LARGE1: variants seen among roughly 807,000 people sequenced by gnomAD.
LARGE1 encodes xylosyl- and glucuronyltransferase LARGE1.
Under a neutral mutation model 87.6 loss-of-function variants are expected in LARGE1, and 43 were observed. That is an observed-to-expected ratio of 0.49 (90% CI 0.38 to 0.63). LARGE1 has a LOEUF of 0.63. Among genes scored for constraint, LARGE1 ranks in the 30% least tolerant of loss-of-function variants. LARGE1 has a pLI of 0.00. For synonymous variants in LARGE1, 434 were observed against 394.6 expected (o/e 1.10, Z -1.18); for missense variants, 802 against 1,000.2 (o/e 0.80, Z 2.67).
chr22:33,818,440 G>A (rs947386022), intron 1 of LARGE1, among the ~76,000 whole-genome samples: 1 of 152,120 alleles, frequency 6.6e-6, no homozygotes, highest in Non-Finnish European at 1.5e-5. Context: ...AAGGAAGGAA[G>A]AATAAGAGGG....
At chr22:33,465,089 T>G (rs147350375) in intron 6 of LARGE1, among the ~76,000 whole-genome samples, 1 of 152,298 alleles carries the variant, frequency 6.6e-6, no homozygotes, top group East Asian at 1.9e-4. Flanking sequence ...AAAGAATAGA[T>G]CAATCTAATG....
rs541326573 is a variant in LARGE1 at position 33,823,916 on chromosome 22, T to TGA, written c.-82-62359_-82-62358insTC. Among the ~76,000 whole-genome samples the TGA allele has an allele frequency of 2.3e-4, 35 of 152,334 alleles. 1 individual carries two copies. In the East Asian group the frequency reaches 6.6e-3, roughly 29 times the overall value. On this transcript the variant is annotated intron_variant, in intron 1 of 14. Transcript: ENST00000397394. ...CACCCCACAGCCCAGTGATGGTTCA[T>TGA]TCCTCATTTGCCCTGTTAAGTGTCT...
intron 10 of LARGE1, among the ~76,000 whole-genome samples, chr22:33,327,415 C>T (rs1937336168): frequency 1.3e-5 from 2 of 152,196 alleles, no homozygotes; most frequent in Non-Finnish European, 2.9e-5. Context: ...ATACTCGTAA[C>T]AATAACTGCC....
At chr22:33,818,184 C>T (rs1223924609) in intron 1 of LARGE1, among the ~76,000 whole-genome samples, 1 of 152,204 alleles carries the variant, frequency 6.6e-6, no homozygotes, top group Non-Finnish European at 1.5e-5. Context: ...GAGACTCACA[C>T]CTTCCCATCC....
intron 1 of LARGE1, among the ~76,000 whole-genome samples, chr22:33,878,544 T>C (rs886733488): frequency 3.3e-5 from 5 of 152,176 alleles, no homozygotes; most frequent in African/African-American, 1.2e-4. Context: ...TCAGAGAAAA[T>C]GTTACATCTC....
chr22:33,498,843 G>C, intron 6 of LARGE1, among the ~76,000 whole-genome samples: 1 of 152,000 alleles, frequency 6.6e-6, no homozygotes, highest in East Asian at 1.9e-4. Context: ...TGGTGGCGGG[G>C]GACCTGTAGT....
intron 6 of LARGE1, among the ~76,000 whole-genome samples, chr22:33,537,095 G>C (rs181544161): frequency 1.3e-5 from 2 of 152,356 alleles, no homozygotes; most frequent in Admixed American, 1.3e-4. Flanking sequence ...ACAGGCGTGA[G>C]CCACCGCGCC....
the LARGE1 span, among the ~76,000 whole-genome samples, chr22:33,083,076 C>T: frequency 2.2e-4 from 33 of 152,104 alleles, no homozygotes; most frequent in African/African-American, 7.7e-4. Context: ...AGTAGACACT[C>T]TAAATATATC....
At position 33,211,127 on chromosome 22, in the gene LARGE1, T is replaced by G. The variant is rs561139085; in HGVS notation, c.1731-44295A>C. Among the ~76,000 whole-genome samples, 290 of 152,322 alleles carry G rather than the reference T, an allele frequency of 1.9e-3. 1 individual carries two copies. The highest frequency in any genetic ancestry group is 6.2e-3 in the African/African-American group (257 of 41,570). On this transcript the variant is annotated intron_variant, in intron 11 of 11. Transcript: ENST00000608642. ...TATTATTATATCTGTTACAGTGATC[T>G]GCGATTTGTGATTTGTAATTGTTTC...
At chr22:33,822,225 C>T (rs2086847829) in intron 1 of LARGE1, among the ~76,000 whole-genome samples, 1 of 152,144 alleles carries the variant, frequency 6.6e-6, no homozygotes, top group African/African-American at 2.4e-5. Context: ...TGCCATGGTT[C>T]CATTCTGCCC....
In LARGE1 at chr22:33,510,331, A is replaced by G. The variant is rs77275240; in HGVS notation, c.787+54517T>C. ...TTATACATATTTACTGATTTAATCAATAACTATATGAGTTAGGAACTTTAC... is the reference window on the plus strand; with the variant it reads ...TTATACATATTTACTGATTTAATCAGTAACTATATGAGTTAGGAACTTTAC... On this transcript the variant is annotated intron_variant, in intron 6 of 14. Coordinates refer to ENST00000397394, the MANE Select transcript of LARGE1 (RefSeq NM_133642.5). 3.7e-3 allele frequency among the ~76,000 whole-genome samples: 558 copies of G among 152,322 alleles called. 3 individuals are homozygous for G. Among genetic ancestry groups the G allele is most frequent in the African/African-American group, 0.013 (524 of 41,566 alleles).
At chr22:33,498,255 G>A (rs375135312) in intron 6 of LARGE1, among the ~76,000 whole-genome samples, 2 of 152,088 alleles carry the variant, frequency 1.3e-5, no homozygotes, top group South Asian at 2.1e-4. Flanking sequence ...TGGCCCCCAC[G>A]GTGGAGGGGA....
At chr22:33,717,519 C>A (rs1391680244) in intron 2 of LARGE1, among the ~76,000 whole-genome samples, 2 of 152,146 alleles carry the variant, frequency 1.3e-5, no homozygotes, top group Non-Finnish European at 2.9e-5. Flanking sequence ...AGATTATAAT[C>A]TTGGAGAAAT....
At chr22:33,334,620 A>C (rs925464214) in intron 10 of LARGE1, among the ~76,000 whole-genome samples, 4 of 152,148 alleles carry the variant, frequency 2.6e-5, no homozygotes, top group Non-Finnish European at 5.9e-5. Flanking sequence ...GAATGTAGAA[A>C]GCACAGAAAG....
At chr22:33,588,514 T>C (rs12163028) in intron 5 of LARGE1, among the ~76,000 whole-genome samples, 3 of 45,606 alleles carry the variant, frequency 6.6e-5, no homozygotes, top group African/African-American at 1.9e-4. Context: ...TGTGTGCGTG[T>C]GTGTGTGTGT....
At chr22:33,293,700 C>A (rs928664351) in intron 12 of LARGE1, among the ~76,000 whole-genome samples, 1 of 152,156 alleles carries the variant, frequency 6.6e-6, no homozygotes, top group African/African-American at 2.4e-5. Flanking sequence ...ATGGCAGATT[C>A]CACCTTGAAT....
intron 11 of LARGE1, among the ~76,000 whole-genome samples, chr22:33,203,890 G>A (rs936037790): frequency 2.0e-5 from 3 of 151,934 alleles, no homozygotes; most frequent in Non-Finnish European, 4.4e-5. Flanking sequence ...TCCCATCATC[G>A]CCTCTTCCCT....
At chr22:33,653,648 G>A (rs1191968415) in intron 2 of LARGE1, among the ~76,000 whole-genome samples, 1 of 152,202 alleles carries the variant, frequency 6.6e-6, no homozygotes, top group Admixed American at 6.5e-5. Context: ...AGAGCATGGT[G>A]TCCCTTATTG....
chr22:33,355,095 T>G (rs1343718120), intron 9 of LARGE1, among the ~76,000 whole-genome samples: 2 of 152,232 alleles, frequency 1.3e-5, no homozygotes, highest in Non-Finnish European at 2.9e-5. Flanking sequence ...TTTAGTACTG[T>G]GACCCATAGT....
Sources: allele counts gnomAD v4.1 joint callset (sites outside exome capture counted in the v4.1 genomes callset), GRCh38; gene constraint gnomAD v4.1.1; transcripts MANE v1.5; gene names NCBI Gene and HGNC (gene_info 2026-07-23, HGNC 2026-07-21).